The following CACTIN variants were observed in gnomAD, a reference collection of about 807,000 sequenced individuals.
CACTIN encodes splicing factor Cactin.
A neutral mutation model predicts 84.9 loss-of-function variants in CACTIN; 20 were observed. The ratio of observed to expected loss-of-function variants is 0.24; its 90% CI spans 0.17 to 0.34. The LOEUF (loss-of-function observed/expected upper bound fraction) is 0.34. CACTIN is among the 10% of genes least tolerant of loss of function. The pLI, the probability that CACTIN is intolerant of heterozygous loss-of-function variation, is 1.00. For synonymous variants in CACTIN, 549 were observed against 467.9 expected, an observed-to-expected ratio of 1.17 and a Z score of -2.24; for missense variants, 897 against 1,117.2, an observed-to-expected ratio of 0.80 and a Z score of 2.81.
intron 9 of CACTIN, chr19:3,612,656 G>A (rs1438464285): frequency 5.6e-6 from 4 of 720,666 alleles, no homozygotes; most frequent in Non-Finnish European, 9.8e-6. Flanking sequence ...AGCGCAGCGC[G>A]CTTCCCCGCC....
Position 3,619,225 on chromosome 19 carries a change from C to T in CACTIN, c.902G>A (p.Arg301Gln), listed in dbSNP as rs778317029. 17 of 1,613,176 alleles carry T rather than the reference C, an allele frequency of 1.1e-5. No individual in the cohort carries two copies. The highest frequency in any genetic ancestry group is 3.3e-5 in the Admixed American group (2 of 59,972). Residue 301 changes from arginine to glutamine, a missense_variant, in exon 5 of 10, where the codon CGG becomes CAG. Physicochemically the swap from Arg to Gln is conservative, Grantham distance 43 (BLOSUM62 1). This residue lies in a region of CACTIN where 304 missense variants were observed against 444.3 expected (regional missense o/e 0.68). Coordinates refer to ENST00000429344, the MANE Select transcript of CACTIN (RefSeq NM_001080543.2). ...QAKLRSKIRI[R>Q]DGRAKPIDLL... Reference sequence around the variant, plus strand: ...GTCGATGGGCTTGGCCCGCCCGTCCCGGATGCGGATCTTGGAACTGTGGGG... The same window carrying T: ...GTCGATGGGCTTGGCCCGCCCGTCCTGGATGCGGATCTTGGAACTGTGGGG...
At chr19:3,617,678 T>TACAGGAGAGGGCGGGG (rs1599888599) in intron 6 of CACTIN, among the ~76,000 whole-genome samples, 13 of 152,286 alleles carry the variant, frequency 8.5e-5, no homozygotes, top group East Asian at 5.8e-4. Context: ...CTCCCAGGCT[T>TACAGGAGAGGGCGGGG]CCTGCAGCCG....
chr19:3,623,664 A>G, intron 2 of CACTIN, 24 bp downstream of exon 2: 1 of 1,565,758 alleles, frequency 6.4e-7, no homozygotes, highest in Non-Finnish European at 8.7e-7. Context: ...ACAGGGACAG[A>G]GGCCACCACC....
At chr19:3,618,435 A>T (rs994907319) in intron 6 of CACTIN, among the ~76,000 whole-genome samples, 1 of 152,164 alleles carries the variant, frequency 6.6e-6, no homozygotes, top group Admixed American at 6.5e-5. Flanking sequence ...GGGGGGGGAA[A>T]CGTGATTTTA....
intron 2 of CACTIN, among the ~76,000 whole-genome samples, chr19:3,622,857 T>A (rs2033252714): frequency 6.6e-6 from 1 of 152,138 alleles, no homozygotes; most frequent in East Asian, 1.9e-4. Flanking sequence ...AAGAGCTGGC[T>A]CTCTAGATAG....
chr19:3,625,320 C>G (rs1444297721), intron 1 of CACTIN, among the ~76,000 whole-genome samples: 1 of 152,196 alleles, frequency 6.6e-6, no homozygotes, highest in African/African-American at 2.4e-5. Context: ...ATATTGGCCA[C>G]AAGTTCAACT....
rs1400638861 is a variant in CACTIN at position 3,610,725 on chromosome 19, T to C, written c.*1198A>G. The stretch of plus-strand genomic sequence containing the variant: ...TTCCATGAGAACAAAAGATTTTTTT[T>C]CCCACCTACAAGTCTTTTTAGAGAA... On this transcript the variant is annotated 3_prime_UTR_variant, in exon 10 of 10. Coordinates refer to ENST00000429344, the MANE Select transcript of CACTIN (RefSeq NM_001080543.2). The C allele has an allele frequency of 6.6e-6, 3 of 456,832 alleles. No individual in the cohort carries two copies. Among genetic ancestry groups the C allele is most frequent in the Admixed American group, 2.4e-5 (1 of 42,532 alleles). 28.3% of individuals were successfully genotyped at this position (456,832 alleles called of 1,614,324 possible).
At chr19:3,623,252 G>A (rs978559200) in intron 2 of CACTIN, among the ~76,000 whole-genome samples, 7 of 151,778 alleles carry the variant, frequency 4.6e-5, no homozygotes, top group South Asian at 4.2e-4. Flanking sequence ...AAAGCTGGCC[G>A]GGCGTGGTGG....
intron 6 of CACTIN, among the ~76,000 whole-genome samples, chr19:3,618,272 C>T (rs1280620918): frequency 6.6e-6 from 1 of 151,718 alleles, no homozygotes; most frequent in Non-Finnish European, 1.5e-5. Flanking sequence ...TAGGGGTGCT[C>T]CTGACCCTGG....
At chr19:3,622,413 A>G (rs545242802) in intron 2 of CACTIN, among the ~76,000 whole-genome samples, 1 of 150,402 alleles carries the variant, frequency 6.6e-6, no homozygotes, top group South Asian at 2.1e-4. Flanking sequence ...CGTAGGTAAG[A>G]TGAGGTCATC....
intron 3 of CACTIN, 182 bp downstream of exon 3, chr19:3,620,525 G>A: frequency 1.5e-6 from 1 of 661,268 alleles, no homozygotes; most frequent in Non-Finnish European, 2.6e-6. Flanking sequence ...CCCGAGGCCA[G>A]CAGAGCCGAG....
At chr19:3,623,655 C>A in intron 2 of CACTIN, 33 bp downstream of exon 2, 1 of 1,546,688 alleles carries the variant, frequency 6.5e-7, no homozygotes, top group Non-Finnish European at 8.8e-7. Flanking sequence ...GGAAATGCTA[C>A]AGGGACAGAG....
chr19:3,621,570 C>G (rs1034803748), intron 2 of CACTIN, among the ~76,000 whole-genome samples: 11 of 152,336 alleles, frequency 7.2e-5, no homozygotes, highest in Admixed American at 2.6e-4. Flanking sequence ...AGCCTGGGGC[C>G]GCTTCCACAG....
At chr19:3,624,190 C>T (rs1244395404) in intron 1 of CACTIN, 28 bp from the exon 2 acceptor site, 1 of 1,510,314 alleles carries the variant, frequency 6.6e-7, no homozygotes, top group Non-Finnish European at 8.9e-7. Flanking sequence ...GATGCCTGCT[C>T]AGTGCCTGCA....
At chr19:3,626,488 TC>T (rs1187875207) in intron 1 of CACTIN, 107 bp downstream of exon 1, 1 of 1,151,062 alleles carries the variant, frequency 8.7e-7, no homozygotes, top group African/African-American at 1.6e-5. Context: ...TAGGAAGCCC[TC>T]CCCGAGTAAG....
intron 1 of CACTIN, 69 bp from the exon 2 acceptor site, chr19:3,624,231 G>C (rs962608687): frequency 4.4e-6 from 6 of 1,371,892 alleles, no homozygotes; most frequent in Admixed American, 4.4e-5. Flanking sequence ...TGCTTACTGG[G>C]TGCCCGTGGG....
At chr19:3,620,012 AG>A in intron 4 of CACTIN, 114 bp downstream of exon 4, 4 of 1,264,860 alleles carry the variant, frequency 3.2e-6, no homozygotes, top group African/African-American at 1.5e-5. Flanking sequence ...GGAAGGTCCC[AG>A]GAAGTGCCGT....
chr19:3,621,856 G>C (rs551667179), intron 2 of CACTIN, among the ~76,000 whole-genome samples: 108 of 152,306 alleles, frequency 7.1e-4, no homozygotes, highest in Admixed American at 7.8e-4. Context: ...GCCCCGAGGC[G>C]GAAGGAGCTC....
chr19:3,619,378 TGGAGGA>T lies in CACTIN; in HGVS notation c.885-142_885-137del, dbSNP rs916710071. 63 of 1,009,568 alleles carry T rather than the reference TGGAGGA, an allele frequency of 6.2e-5. 1 individual carries two copies. The highest frequency in any genetic ancestry group is 1.8e-4 in the East Asian group (7 of 38,776). 62.5% of individuals were successfully genotyped at this position (1,009,568 alleles called of 1,614,324 possible). ...TTGGGGGTGGTCAGGGAAGGCTTCCTGGAGGAGGAGGAGGAGGAGGCATAAGGTAGA... is the reference window on the plus strand; with the variant it reads ...TTGGGGGTGGTCAGGGAAGGCTTCCTGGAGGAGGAGGAGGCATAAGGTAGA... On this transcript the variant is annotated intron_variant, in intron 4 of 9. Coordinates refer to ENST00000429344, the MANE Select transcript of CACTIN (RefSeq NM_001080543.2).
Sources: gnomAD v4.1 joint callset for allele counts (sites outside exome capture counted in the v4.1 genomes callset) on GRCh38, gnomAD v4.1.1 for gene constraint, gnomAD v4.1.1 regional missense constraint, MANE v1.5 for transcripts, NCBI Gene and HGNC (gene_info 2026-07-23, HGNC 2026-07-21) for gene names.